Variants in SLC3A2 observed in about 807,000 individuals in gnomAD.
SLC3A2 encodes amino acid transporter heavy chain SLC3A2.
Under a neutral mutation model 48.5 loss-of-function variants are expected in SLC3A2, and 32 were observed. That is an observed-to-expected ratio of 0.66 (90% CI 0.50 to 0.89). SLC3A2 has a LOEUF of 0.89. Ranked by LOEUF, SLC3A2 falls within the 40% of genes least tolerant of loss-of-function variation. The probability of loss-of-function intolerance (pLI) is 0.00; values close to 1 mark genes in which losing one functional copy is unlikely to be tolerated. For missense variants in SLC3A2, 587 were observed against 680.7 expected, an observed-to-expected ratio of 0.86 and a Z score of 1.53; for synonymous variants, 277 against 288.8, an observed-to-expected ratio of 0.96 and a Z score of 0.41.
intron 1 of SLC3A2, among the ~76,000 whole-genome samples, chr11:62,874,532 T>A (rs1460723914): frequency 6.6e-6 from 1 of 152,150 alleles, no homozygotes; most frequent in African/African-American, 2.4e-5. Context: ...CTTTCTGGCT[T>A]TTATCCCCAC....
intron 1 of SLC3A2, among the ~76,000 whole-genome samples, chr11:62,871,356 A>T (rs914522939): frequency 6.7e-6 from 1 of 149,786 alleles, no homozygotes; most frequent in East Asian, 1.9e-4. Flanking sequence ...CTCCTGCCTC[A>T]GCCTCCCAAA....
rs949029181 is a variant in SLC3A2 at position 62,859,756 on chromosome 11, C to G, written c.112+3375C>G. On this transcript the variant is annotated intron_variant, in intron 1 of 9. Transcript: ENST00000377889. ...GCCTTTGATTGTGAGTTTGCAACCT[C>G]TTGTGAGTGACATAGAATCTACTAG... Among the ~76,000 whole-genome samples the G allele has an allele frequency of 2.0e-5, 3 of 152,110 alleles. No individual in the cohort carries two copies. In the South Asian group the frequency reaches 6.2e-4, roughly 31 times the overall value.
At chr11:62,882,780 C>T (rs552688805) in intron 2 of SLC3A2, 128 bp from the exon 3 acceptor site, 59 of 788,706 alleles carry the variant, frequency 7.5e-5, no homozygotes, top group South Asian at 5.1e-4. Flanking sequence ...GAATTTTGCC[C>T]GGGTTCAAAT....
chr11:62,881,442 T>C lies in SLC3A2; in HGVS notation c.419T>C (p.Leu140Pro), dbSNP rs759966143. The change falls in exon 1 of 9, where the codon CTG (leucine) becomes CCG (proline). Residue 140 changes from leucine (L) to proline (P), a missense_variant. By Grantham distance (98) the Leu-to-Pro change is moderately conservative. Around this residue, in one of 3 missense-constraint regions of SLC3A2, gnomAD observed 409 missense variants for 446.7 expected, o/e 0.92. Coordinates refer to ENST00000338663, the MANE Select transcript of SLC3A2 (RefSeq NM_001013251.3). The surrounding 1 kb of genome is among the most constrained non-coding windows in gnomAD (Gnocchi z 4.0). ...TTCCAGGGCCACGGCGCGGGCAACC[T>C]GGCGGGTGAGTGCAGCGCGCCCCCG... ...QAFQGHGAGN[L>P]AGLKGRLDYL... is the part of the protein sequence containing the mutation. 5 of 1,583,376 alleles carry C rather than the reference T, an allele frequency of 3.2e-6. No individual in the cohort carries two copies. The highest frequency in any genetic ancestry group is 3.4e-6 in the Non-Finnish European group (4 of 1,172,738).
At position 62,881,386 on chromosome 11, in the gene SLC3A2, C is replaced by T. The variant is rs1200171761; in HGVS notation, c.363C>T (p.Gly121=). The T allele has an allele frequency of 1.3e-6, 2 of 1,596,188 alleles. No homozygotes were observed. The highest frequency in any genetic ancestry group is 1.7e-6 in the Non-Finnish European group (2 of 1,177,610). Residue 121 remains glycine (G), a synonymous_variant, in exon 1 of 9, where the codon GGC becomes GGT. Transcript: ENST00000338663. The surrounding 1 kb of genome is among the most constrained non-coding windows in gnomAD (Gnocchi z 4.0). ...ELPAQKWWHT[G]ALYRIGDLQA... is the part of the protein sequence containing the mutation. ...CGGCGCAGAAGTGGTGGCACACGGG[C>T]GCCCTCTACCGCATCGGCGACCTTC...
chr11:62,864,734 G>A (rs1238892851), intron 1 of SLC3A2, among the ~76,000 whole-genome samples: 4 of 151,060 alleles, frequency 2.6e-5, no homozygotes, highest in Admixed American at 1.3e-4. Flanking sequence ...CCAAAGTGCT[G>A]GGATTACAGG....
At chr11:62,870,746 G>A in intron 1 of SLC3A2, 1 of 166,286 alleles carries the variant, frequency 6.0e-6, no homozygotes, top group Non-Finnish European at 1.2e-5. Flanking sequence ...TTTTTGTAGA[G>A]TTGGGGTCTC....
At chr11:62,880,223 T>G (rs1454277020), upstream of SLC3A2, among the ~76,000 whole-genome samples, 1 of 152,178 alleles carries the variant, frequency 6.6e-6, no homozygotes, top group Non-Finnish European at 1.5e-5. Context: ...TAAAGTACTG[T>G]GAAGAAGGCT....
intron 1 of SLC3A2, among the ~76,000 whole-genome samples, chr11:62,869,629 T>G (rs897782110): frequency 6.6e-6 from 1 of 151,980 alleles, no homozygotes; most frequent in Non-Finnish European, 1.5e-5. Context: ...ATTTATATGT[T>G]TCATCTACTT....
chr11:62,875,954 C>A (rs2085566794), upstream of SLC3A2, among the ~76,000 whole-genome samples: 1 of 152,200 alleles, frequency 6.6e-6, no homozygotes, highest in Admixed American at 6.5e-5. Flanking sequence ...GCTGCCTCAA[C>A]CTGAGGGCTC....
At chr11:62,873,388 C>G (rs1354055237) in intron 1 of SLC3A2, among the ~76,000 whole-genome samples, 1 of 151,538 alleles carries the variant, frequency 6.6e-6, no homozygotes, top group African/African-American at 2.4e-5. Context: ...CTCTGGGAGG[C>G]TGAGGCAGGA....
rs2085625824 is a variant in SLC3A2, at chr11:62,880,960, C to T, written c.-64C>T. ...GGGAGAGCGTTCTGGGTCCGAGGGTCCAGGTAGGGGTTGAGCCACCATCTG... is the reference window on the plus strand; with the variant it reads ...GGGAGAGCGTTCTGGGTCCGAGGGTTCAGGTAGGGGTTGAGCCACCATCTG... On this transcript the variant is annotated 5_prime_UTR_variant, in exon 1 of 9. Transcript: ENST00000338663. 1 of 1,504,086 alleles carries T rather than the reference C, an allele frequency of 6.6e-7. No homozygotes were observed. Among genetic ancestry groups the T allele is most frequent in the South Asian group, 1.4e-5 (1 of 73,812 alleles). The allele number at this position is 1,504,086 out of a possible 1,614,324, so 93.2% of individuals were successfully genotyped here. A position where few individuals can be genotyped will look rare whatever the true frequency, so the allele number is the denominator to read the frequency against.
chr11:62,879,049 A>T (rs1177726859), upstream of SLC3A2, among the ~76,000 whole-genome samples: 3 of 151,944 alleles, frequency 2.0e-5, no homozygotes, highest in African/African-American at 7.3e-5. Flanking sequence ...CTGGGATTAC[A>T]GGTGTCAGCC....
intron 1 of SLC3A2, among the ~76,000 whole-genome samples, chr11:62,857,421 G>T (rs905965320): frequency 2.6e-5 from 4 of 152,180 alleles, no homozygotes; most frequent in Admixed American, 6.5e-5. Flanking sequence ...ACCACACCCG[G>T]CCTGGCTCAG....
At position 62,885,480 on chromosome 11, in the gene SLC3A2, C is replaced by T. The variant is rs760884059; in HGVS notation, c.1015C>T (p.Leu339Phe). ...CTCCCTGTAGTTGTCTCAGGCAAGG[C>T]TCCTGACTTCCTTCTTGCCGGCTCA... is the stretch of plus-strand genomic sequence containing the variant. ...WCSWSLSQARLLTSFLPAQLL... is the reference protein window; with the variant it reads ...WCSWSLSQARFLTSFLPAQLL... Residue 339 changes from leucine (L) to phenylalanine (F), a missense_variant, in exon 7 of 9, where the codon CTC becomes TTC. Around this residue, in one of 3 missense-constraint regions of SLC3A2, gnomAD observed 409 missense variants for 446.7 expected, o/e 0.92. Transcript: ENST00000338663. 2 of 1,614,054 alleles carry T rather than the reference C, an allele frequency of 1.2e-6. No homozygotes were observed. Among genetic ancestry groups the T allele is most frequent in the African/African-American group, 2.7e-5 (2 of 74,920 alleles).
rs969426378 is a variant in SLC3A2 at position 62,884,544 on chromosome 11, T to G, written c.759+19T>G. On this transcript the variant is annotated intron_variant, in intron 4 of 8. Coordinates refer to ENST00000338663, the MANE Select transcript of SLC3A2 (RefSeq NM_001013251.3). ...TCTGAAGGTGAGTTCCCTTTCCACATTAGGGACAAAGCTTGGGCGAGAACA... is the reference window on the plus strand; with the variant it reads ...TCTGAAGGTGAGTTCCCTTTCCACAGTAGGGACAAAGCTTGGGCGAGAACA... The G allele has an allele frequency of 6.2e-7, 1 of 1,614,108 alleles. No homozygotes were observed. The highest frequency in any genetic ancestry group is 8.5e-7 in the Non-Finnish European group (1 of 1,179,946).
chr11:62,877,561 T>G (rs1217506372), upstream of SLC3A2, among the ~76,000 whole-genome samples: 1 of 152,206 alleles, frequency 6.6e-6, no homozygotes. Flanking sequence ...TGGGACATGA[T>G]TGTAGCAGAG....
chr11:62,879,863 A>G (rs886850706), upstream of SLC3A2, among the ~76,000 whole-genome samples: 1 of 152,166 alleles, frequency 6.6e-6, no homozygotes, highest in Non-Finnish European at 1.5e-5. Flanking sequence ...ACTTCAATCC[A>G]AGGACCCTGT....
intron 3 of SLC3A2, 47 bp from the exon 4 acceptor site, chr11:62,884,410 T>G (rs575933000): frequency 5.0e-6 from 8 of 1,605,942 alleles, no homozygotes; most frequent in Non-Finnish European, 6.8e-6. Context: ...TTTCTGAGCC[T>G]TTTCCTGAGA....
Sources: gnomAD v4.1 joint callset for allele counts (sites outside exome capture counted in the v4.1 genomes callset) on GRCh38, gnomAD v4.1.1 for gene constraint, gnomAD v4.1.1 regional missense constraint, Gnocchi (gnomAD v3.1) non-coding constraint, MANE v1.5 for transcripts, NCBI Gene and HGNC (gene_info 2026-07-23, HGNC 2026-07-21) for gene names.